NKAIN2: variants seen among roughly 807,000 people sequenced by gnomAD.
NKAIN2 encodes sodium/potassium transporting ATPase interacting 2.
In NKAIN2, 14 loss-of-function variants were observed where a neutral mutation model predicts 32.6. The ratio of observed to expected loss-of-function variants is 0.43; its 90% CI spans 0.28 to 0.67. NKAIN2 has a LOEUF of 0.67. NKAIN2 is among the 30% of genes least tolerant of loss of function. The probability of loss-of-function intolerance (pLI) is 0.17; values close to 1 mark genes in which losing one functional copy is unlikely to be tolerated. For missense variants in NKAIN2, 198 were observed against 258.3 expected (o/e 0.77, Z 1.60); for synonymous variants, 80 against 87.2 (o/e 0.92, Z 0.46).
chr6:123,951,759 T>C (rs1452434721), intron 1 of NKAIN2, among the ~76,000 whole-genome samples: 1 of 151,916 alleles, frequency 6.6e-6, no homozygotes, highest in Non-Finnish European at 1.5e-5. Flanking sequence ...TATAACCTAT[T>C]AATATTTCTT....
At chr6:124,478,625 G>T (rs1777325848) in intron 3 of NKAIN2, among the ~76,000 whole-genome samples, 1 of 152,170 alleles carries the variant, frequency 6.6e-6, no homozygotes, top group Non-Finnish European at 1.5e-5. Flanking sequence ...AAATAGCATA[G>T]TATTAGATTA....
chr6:123,880,197 C>T (rs1562236033), intron 1 of NKAIN2, among the ~76,000 whole-genome samples: 1 of 152,102 alleles, frequency 6.6e-6, no homozygotes, highest in Non-Finnish European at 1.5e-5. Context: ...AAGGATAAAG[C>T]AGGAAAGTAG....
chr6:123,998,408 G>A (rs9398747), intron 1 of NKAIN2, among the ~76,000 whole-genome samples: 5,967 of 152,098 alleles, frequency 0.039, 214 homozygotes, highest in East Asian at 0.19. Flanking sequence ...TCTTTTTCCT[G>A]TGGAGATACT....
intron 5 of NKAIN2, among the ~76,000 whole-genome samples, chr6:124,806,549 G>C (rs536351333): frequency 6.6e-6 from 1 of 151,868 alleles, no homozygotes; most frequent in Non-Finnish European, 1.5e-5. Context: ...AAAATGTAAA[G>C]ACCATCGAGA....
At chr6:124,095,530 G>A (rs541216728) in intron 1 of NKAIN2, among the ~76,000 whole-genome samples, 1 of 152,144 alleles carries the variant, frequency 6.6e-6, no homozygotes, top group Non-Finnish European at 1.5e-5. Context: ...AGCAGAATAT[G>A]GATTTTGCTC....
At chr6:124,435,825 A>T (rs558935165) in intron 3 of NKAIN2, among the ~76,000 whole-genome samples, 53 of 152,300 alleles carry the variant, frequency 3.5e-4, no homozygotes, top group African/African-American at 1.2e-3. Flanking sequence ...AAAAAGTCCC[A>T]AAGCCTAACT....
At chr6:124,098,479 G>T (rs1447753251) in intron 1 of NKAIN2, among the ~76,000 whole-genome samples, 1 of 152,062 alleles carries the variant, frequency 6.6e-6, no homozygotes, top group Non-Finnish European at 1.5e-5. Context: ...CATTTCATTG[G>T]TTTCACAACT....
intron 3 of NKAIN2, among the ~76,000 whole-genome samples, chr6:124,358,181 G>C (rs768850336): frequency 6.6e-6 from 1 of 152,128 alleles, no homozygotes; most frequent in Non-Finnish European, 1.5e-5. Context: ...ATCATTGTTG[G>C]ACATCTGGGT....
chr6:124,820,391 C>T (rs1229884318), intron 6 of NKAIN2, among the ~76,000 whole-genome samples: 4 of 152,068 alleles, frequency 2.6e-5, no homozygotes, highest in South Asian at 2.1e-4. Context: ...AAATAGAGAT[C>T]GCATACAGAC....
chr6:124,569,366 CT>C (rs1324048123), intron 3 of NKAIN2, among the ~76,000 whole-genome samples: 1 of 152,182 alleles, frequency 6.6e-6, no homozygotes, highest in South Asian at 2.1e-4. Flanking sequence ...GCTTAAATTA[CT>C]TTTTTTCTTC....
intron 2 of NKAIN2, among the ~76,000 whole-genome samples, chr6:124,331,455 C>T (rs368720375): frequency 8.5e-5 from 12 of 140,420 alleles, no homozygotes; most frequent in Non-Finnish European, 1.4e-4. Flanking sequence ...CGTGAACCTG[C>T]GAGGCAGACC....
Position 124,707,525 on chromosome 6 carries a change from T to C in NKAIN2, c.474+49139T>C, listed in dbSNP as rs1203216571. 3.0e-5 allele frequency among the ~76,000 whole-genome samples: 4 copies of C among 135,064 alleles called. 1 individual carries two copies. The highest frequency in any genetic ancestry group is 6.4e-5 in the Non-Finnish European group (4 of 62,600). 88.6% of individuals were successfully genotyped at this position (135,064 alleles called of 152,430 possible). On this transcript the variant is annotated intron_variant, in intron 4 of 6. Coordinates refer to ENST00000368417, the MANE Select transcript of NKAIN2 (RefSeq NM_001040214.3). Reference sequence around the variant, plus strand: ...CTGTTGTTTCCTGACTTTTTAATGATTGCCATTTTAACTGGTGTGAGATGC... The same window carrying C: ...CTGTTGTTTCCTGACTTTTTAATGACTGCCATTTTAACTGGTGTGAGATGC...
intron 3 of NKAIN2, among the ~76,000 whole-genome samples, chr6:124,626,041 C>G (rs1176352533): frequency 6.6e-6 from 1 of 150,508 alleles, no homozygotes; most frequent in South Asian, 2.1e-4. Flanking sequence ...GTGCTGCACC[C>G]ATTAACTCGT....
At chr6:123,873,471 C>T (rs1441550797) in intron 1 of NKAIN2, among the ~76,000 whole-genome samples, 1 of 152,132 alleles carries the variant, frequency 6.6e-6, no homozygotes, top group African/African-American at 2.4e-5. Flanking sequence ...TTTTAAGAGT[C>T]ATGGGAAGCT....
At chr6:124,616,437 C>CTTTTTTTTTTTTTTT (rs79406895) in intron 3 of NKAIN2, among the ~76,000 whole-genome samples, 1 of 70,444 alleles carries the variant, frequency 1.4e-5, no homozygotes, top group African/African-American at 6.9e-5. Context: ...TCTTTTCTTT[C>CTTTTTTTTTTTTTTT]TTTTTTTTTT....
At chr6:124,666,738 T>A (rs1324450306) in intron 4 of NKAIN2, among the ~76,000 whole-genome samples, 1 of 151,954 alleles carries the variant, frequency 6.6e-6, no homozygotes, top group African/African-American at 2.4e-5. Context: ...TCAGATTACG[T>A]TTAAGATTTT....
chr6:124,630,380 C>T (rs1457828542), intron 3 of NKAIN2, among the ~76,000 whole-genome samples: 4 of 152,092 alleles, frequency 2.6e-5, no homozygotes, highest in East Asian at 3.9e-4. Context: ...CCAAATTCAT[C>T]GTATTAAAGG....
intron 1 of NKAIN2, among the ~76,000 whole-genome samples, chr6:124,177,234 G>A (rs1026477131): frequency 2.6e-5 from 4 of 152,048 alleles, no homozygotes; most frequent in Non-Finnish European, 4.4e-5. Flanking sequence ...AAACAAAAAA[G>A]CATTCGATAC....
chr6:124,330,201 G>C (rs187142760), intron 2 of NKAIN2, among the ~76,000 whole-genome samples: 2 of 152,312 alleles, frequency 1.3e-5, no homozygotes, highest in Admixed American at 1.3e-4. Flanking sequence ...ATTTCAAGTG[G>C]TGAGGTCCTC....
Sources: allele counts gnomAD v4.1 joint callset (sites outside exome capture counted in the v4.1 genomes callset), GRCh38; gene constraint gnomAD v4.1.1; transcripts MANE v1.5; gene names NCBI Gene and HGNC (gene_info 2026-07-23, HGNC 2026-07-21).